SPNS1: variants seen among roughly 807,000 people sequenced by gnomAD.
SPNS1 encodes protein spinster homolog 1.
In SPNS1, 22 loss-of-function variants were observed where a neutral mutation model predicts 50.3. The ratio of observed to expected loss-of-function variants is 0.44; its 90% confidence interval spans 0.31 to 0.62. SPNS1 has a LOEUF of 0.62. SPNS1 is among the 20% of genes least tolerant of loss of function. The pLI, the probability that SPNS1 is intolerant of heterozygous loss-of-function variation, is 0.07. For missense variants in SPNS1, 576 were observed against 728.6 expected (o/e 0.79, Z 2.41); for synonymous variants, 295 against 317.4 (o/e 0.93, Z 0.75).
rs771452648 is a variant in SPNS1 at position 28,983,223 on chromosome 16, C to T, written c.1253C>T (p.Ala418Val). ...YVVIPTRRSTAEAFQIVLSHL... is the reference protein window; with the variant it reads ...YVVIPTRRSTVEAFQIVLSHL... ...GTGATCCCTACCCGACGCTCCACCG[C>T]CGAGGCCTTCCAGATCGTGCTGTCC... The change falls in exon 10 of 12, where the codon GCC becomes GTC. Residue 418 changes from alanine to valine, a missense_variant. Coordinates refer to ENST00000311008, the MANE Select transcript of SPNS1 (RefSeq NM_032038.3). The surrounding 1 kb of genome is among the most constrained non-coding windows in gnomAD (Gnocchi z 5.4). 6.2e-6 allele frequency: 10 copies of T among 1,613,958 alleles called. No homozygotes were observed. Among genetic ancestry groups the T allele is most frequent in the African/African-American group, 1.3e-5 (1 of 74,916 alleles).
In SPNS1 at chr16:28,983,143, G is replaced by GC. The variant is rs1567527062; in HGVS notation, c.1222-44dup. 2 of 1,469,584 alleles carry GC rather than the reference G, an allele frequency of 1.4e-6. No homozygotes were observed. The highest frequency in any genetic ancestry group is 1.4e-5 in the African/African-American group (1 of 71,990). The allele number at this position is 1,469,584 out of a possible 1,614,324, so 91.0% of individuals were successfully genotyped here. A position where few individuals can be genotyped will look rare whatever the true frequency, so the allele number is the denominator to read the frequency against. On this transcript the variant is annotated intron_variant, in intron 9 of 11. Coordinates refer to ENST00000311008, the MANE Select transcript of SPNS1 (RefSeq NM_032038.3). This position sits in a 1 kb window ranked among gnomAD's most constrained non-coding sequence, Gnocchi z 5.4. ...GTGGTCTCCTGGCCCCCTGCCTCCT[G>GC]CCCCCTGGAGCCCAGAGCATCCACT...
intron 5 of SPNS1, 155 bp downstream of exon 5, chr16:28,979,626 C>A: frequency 1.3e-6 from 1 of 770,224 alleles, no homozygotes; most frequent in Non-Finnish European, 2.2e-6. Flanking sequence ...TCATAGCTCA[C>A]TGTAGCCTGG....
chr16:28,982,322 G>A (rs768686850), intron 7 of SPNS1, 34 bp from the exon 8 acceptor site: 2 of 1,502,204 alleles, frequency 1.3e-6, no homozygotes, highest in Admixed American at 2.1e-5. Context: ...GCAGGCACAG[G>A]GACAAACCCC....
chr16:28,976,937 A>T (rs1965363810), intron 2 of SPNS1, among the ~76,000 whole-genome samples: 1 of 152,220 alleles, frequency 6.6e-6, no homozygotes, highest in African/African-American at 2.4e-5. Flanking sequence ...TTGCCTTGGG[A>T]GCTGATAGTA....
chr16:28,975,321 G>T lies in SPNS1; in HGVS notation c.170G>T (p.Arg57Leu). ...LQRITGLSPG[R>L]SALIVAVLCY... ...CGCATCACCGGCCTGTCTCCCGGCCGTTCGGCTCTCATAGTGGCGGTGCTG... is the reference window on the plus strand; with the variant it reads ...CGCATCACCGGCCTGTCTCCCGGCCTTTCGGCTCTCATAGTGGCGGTGCTG... Residue 57 changes from arginine (R) to leucine (L), a missense_variant, in exon 1 of 12, where the codon CGT becomes CTT. Arg to Leu is a moderately radical substitution (Grantham distance 102). Around this residue, in one of 3 missense-constraint regions of SPNS1, gnomAD observed 144 missense variants for 181.2 expected, o/e 0.79. Coordinates refer to ENST00000311008, the MANE Select transcript of SPNS1 (RefSeq NM_032038.3). 1 of 1,585,488 alleles carries T rather than the reference G, an allele frequency of 6.3e-7. No individual in the cohort carries two copies. The highest frequency in any genetic ancestry group is 2.3e-5 in the East Asian group (1 of 44,404).
Position 28,981,341 on chromosome 16 carries a change from T to G in SPNS1, c.664-129T>G. On this transcript the variant is annotated intron_variant, in intron 5 of 11. Coordinates refer to ENST00000311008, the MANE Select transcript of SPNS1 (RefSeq NM_032038.3). This position sits in a 1 kb window ranked among gnomAD's most constrained non-coding sequence, Gnocchi z 4.2. ...CTTCCCCCAGATTGCAGGTTCGGCTTCTTGGAGCAGGCACTTAACTGGGTA... is the reference window on the plus strand; with the variant it reads ...CTTCCCCCAGATTGCAGGTTCGGCTGCTTGGAGCAGGCACTTAACTGGGTA... The G allele has an allele frequency of 8.0e-7, 1 of 1,256,396 alleles. No individual in the cohort carries two copies. Among genetic ancestry groups the G allele is most frequent in the Admixed American group, 2.5e-5 (1 of 40,772 alleles). The allele number at this position is 1,256,396 out of a possible 1,614,324, so 77.8% of individuals were successfully genotyped here. A position where few individuals can be genotyped will look rare whatever the true frequency, so the allele number is the denominator to read the frequency against.
chr16:28,980,968 C>A (rs959409009), intron 5 of SPNS1, among the ~76,000 whole-genome samples: 30 of 152,230 alleles, frequency 2.0e-4, no homozygotes, highest in African/African-American at 7.0e-4. Context: ...ATCCAGGGCT[C>A]CCACACTGCC....
rs892541464 is a variant in SPNS1, at chr16:28,983,470, C to T, written c.1320+180C>T. Among the ~76,000 whole-genome samples, 4 of 152,180 alleles carry T rather than the reference C, an allele frequency of 2.6e-5. No individual in the cohort carries two copies. Among genetic ancestry groups the T allele is most frequent in the African/African-American group, 9.7e-5 (4 of 41,440 alleles). On this transcript the variant is annotated intron_variant, in intron 10 of 11. Transcript: ENST00000311008. This position sits in a 1 kb window ranked among gnomAD's most constrained non-coding sequence, Gnocchi z 5.4. ...TTTCTACCAGTAAGGCCAGGGACCT[C>T]ACCCTGGTGGTCCAAACTCCTCCTT...
In SPNS1 at chr16:28,983,078, C is replaced by T; in HGVS notation, c.1222-114C>T. On this transcript the variant is annotated intron_variant, in intron 9 of 11. Coordinates refer to ENST00000311008, the MANE Select transcript of SPNS1 (RefSeq NM_032038.3). This position sits in a 1 kb window ranked among gnomAD's most constrained non-coding sequence, Gnocchi z 5.4. ...CCCCCGGCCTGCCCTGCGACCTCAA[C>T]CCCAGGCACACCTCTGACCCCGGCC... The T allele has an allele frequency of 8.3e-7, 1 of 1,206,444 alleles. No homozygotes were observed. 74.7% of individuals were successfully genotyped at this position (1,206,444 alleles called of 1,614,324 possible). A position where few individuals can be genotyped will look rare whatever the true frequency, so the allele number is the denominator to read the frequency against.
At chr16:28,977,128 G>A (rs1379946229) in intron 2 of SPNS1, among the ~76,000 whole-genome samples, 1 of 152,050 alleles carries the variant, frequency 6.6e-6, no homozygotes, top group African/African-American at 2.4e-5. Context: ...GACCATCCTG[G>A]CTAACATGGT....
At position 28,983,053 on chromosome 16, in the gene SPNS1, C is replaced by T. The variant is rs1468505341; in HGVS notation, c.1221+131C>T. 1 of 1,250,340 alleles carries T rather than the reference C, an allele frequency of 8.0e-7. No individual in the cohort carries two copies. The highest frequency in any genetic ancestry group is 1.5e-5 in the African/African-American group (1 of 67,548). 77.5% of individuals were successfully genotyped at this position (1,250,340 alleles called of 1,614,324 possible). A position where few individuals can be genotyped will look rare whatever the true frequency, so the allele number is the denominator to read the frequency against. Reference sequence around the variant, plus strand: ...TGCAATAAATAACATCTGTAGCAGACCCCCGGCCTGCCCTGCGACCTCAAC... The same window carrying T: ...TGCAATAAATAACATCTGTAGCAGATCCCCGGCCTGCCCTGCGACCTCAAC... On this transcript the variant is annotated intron_variant, in intron 9 of 11. Transcript: ENST00000311008. This position sits in a 1 kb window ranked among gnomAD's most constrained non-coding sequence, Gnocchi z 5.4.
intron 2 of SPNS1, among the ~76,000 whole-genome samples, chr16:28,977,263 T>G (rs1965374128): frequency 6.9e-6 from 1 of 145,668 alleles, no homozygotes; most frequent in South Asian, 2.1e-4. Flanking sequence ...TGCAGTGAGC[T>G]GAGATCGCGC....
rs1017037916 is a variant in SPNS1 at position 28,979,607 on chromosome 16, G to C, written c.663+136G>C. On this transcript the variant is annotated intron_variant, in intron 5 of 11. Coordinates refer to ENST00000311008, the MANE Select transcript of SPNS1 (RefSeq NM_032038.3). ...GTTGTGTCACCCAGGCTGCAGTGCA[G>C]TGGTGCAGTCATAGCTCACTGTAGC... 5 of 878,536 alleles carry C rather than the reference G, an allele frequency of 5.7e-6. No homozygotes were observed. The African/African-American group carries it at 6.6e-5, about 12-fold the overall frequency. 54.4% of individuals were successfully genotyped at this position (878,536 alleles called of 1,614,324 possible). A position where few individuals can be genotyped will look rare whatever the true frequency, so the allele number is the denominator to read the frequency against.
intron 8 of SPNS1, 27 bp from the exon 9 acceptor site, chr16:28,982,830 T>C: frequency 1.2e-6 from 2 of 1,613,360 alleles, no homozygotes; most frequent in Admixed American, 1.7e-5. Flanking sequence ...CTTACTGTCA[T>C]GAACCCCCGA....
intron 7 of SPNS1, 26 bp from the exon 8 acceptor site, chr16:28,982,330 C>T (rs1965581866): frequency 7.0e-7 from 1 of 1,437,972 alleles, no homozygotes; most frequent in Non-Finnish European, 9.1e-7. Flanking sequence ...AGGGACAAAC[C>T]CCCCATTCCC....
In SPNS1 at chr16:28,983,817, C is replaced by T. The variant is rs1022204233; in HGVS notation, c.1352C>T (p.Pro451Leu). Residue 451 changes from proline (P) to leucine (L), a missense_variant, in exon 11 of 12, where the codon CCC (proline) becomes CTC (leucine). Pro to Leu is a moderately conservative substitution (Grantham distance 98). This residue lies in a region of SPNS1 where 428 missense variants were observed against 520.1 expected (regional missense o/e 0.82). Transcript: ENST00000311008. This position sits in a 1 kb window ranked among gnomAD's most constrained non-coding sequence, Gnocchi z 5.4. Reference sequence around the variant, plus strand: ...GACCGCCTGCGCCGGAACTGGCCCCCCTCCTTCTTGTCCGAGTTCCGGGCT... The same window carrying T: ...GACCGCCTGCGCCGGAACTGGCCCCTCTCCTTCTTGTCCGAGTTCCGGGCT... ...ISDRLRRNWP[P>L]SFLSEFRALQ... 13 of 1,604,074 alleles carry T rather than the reference C, an allele frequency of 8.1e-6. No individual in the cohort carries two copies. Among genetic ancestry groups the T allele is most frequent in the African/African-American group, 2.7e-5 (2 of 74,968 alleles).
chr16:28,982,688 T>A, intron 8 of SPNS1, 143 bp downstream of exon 8: 1 of 1,255,848 alleles, frequency 8.0e-7, no homozygotes, highest in Non-Finnish European at 1.1e-6. Context: ...ACAAGTGACT[T>A]AACCTCTCTG....
At chr16:28,979,059 C>T in intron 3 of SPNS1, 96 bp from the exon 4 acceptor site, 1 of 1,472,020 alleles carries the variant, frequency 6.8e-7, no homozygotes, top group Admixed American at 2.0e-5. Context: ...CAGGCATCTC[C>T]CGCCATCCCT....
Position 28,975,053 on chromosome 16 carries a change from CG to C in SPNS1, c.-98del. On this transcript the variant is annotated 5_prime_UTR_variant, in exon 1 of 12. Coordinates refer to ENST00000311008, the MANE Select transcript of SPNS1 (RefSeq NM_032038.3). Reference sequence around the variant, plus strand: ...TCCCCGTCTCCGGGCGCACTTCCCTCGCCTGTGTTCGGTCCATCCTCCTTTC... The same window carrying C: ...TCCCCGTCTCCGGGCGCACTTCCCTCCCTGTGTTCGGTCCATCCTCCTTTC... 7.0e-7 allele frequency: 1 copy of C among 1,434,084 alleles called. No individual in the cohort carries two copies. The allele number at this position is 1,434,084 out of a possible 1,614,324, so 88.8% of individuals were successfully genotyped here.
Sources: gnomAD v4.1 joint callset for allele counts (sites outside exome capture counted in the v4.1 genomes callset) on GRCh38, gnomAD v4.1.1 for gene constraint, gnomAD v4.1.1 regional missense constraint, Gnocchi (gnomAD v3.1) non-coding constraint, MANE v1.5 for transcripts, NCBI Gene and HGNC (gene_info 2026-07-23, HGNC 2026-07-21) for gene names.